ACADSB: variants seen among roughly 807,000 people sequenced by gnomAD.
ACADSB encodes short/branched chain specific acyl-CoA dehydrogenase, mitochondrial.
A neutral mutation model predicts 54.1 loss-of-function variants in ACADSB; 40 were observed. The observed-to-expected ratio is 0.74, with a 90% CI of 0.57 to 0.96. The LOEUF is 0.96. ACADSB is among the 40% of genes least tolerant of loss of function. The probability of loss-of-function intolerance (pLI) is 0.00; values close to 1 mark genes in which losing one functional copy is unlikely to be tolerated. For synonymous variants in ACADSB, 182 were observed against 182.8 expected, an observed-to-expected ratio of 1.00 and a Z score of 0.03; for missense variants, 530 against 510.4, an observed-to-expected ratio of 1.04 and a Z score of -0.37.
chr10:123,028,882 G>T (rs1199061744), intron 1 of ACADSB, among the ~76,000 whole-genome samples: 2 of 151,718 alleles, frequency 1.3e-5, no homozygotes, highest in Middle Eastern at 3.4e-3. Context: ...AAAACAGAAA[G>T]AAAAAACTAT....
At position 123,051,188 on chromosome 10, in the gene ACADSB, T is replaced by TAAAAAAAAAAAAAAAA; in HGVS notation, c.1128+11_1128+26dup. 2 of 1,015,736 alleles carry TAAAAAAAAAAAAAAAA rather than the reference T, an allele frequency of 2.0e-6. No individual in the cohort carries two copies. The highest frequency in any genetic ancestry group is 2.0e-5 in the South Asian group (1 of 50,620). The allele number at this position is 1,015,736 out of a possible 1,614,324, so 62.9% of individuals were successfully genotyped here. A position where few individuals can be genotyped will look rare whatever the true frequency, so the allele number is the denominator to read the frequency against. ...ATGGCCAAATACTATGCATCAGAGGTAAAAAAAAAAAAAAAAAAAAAAAAG... is the reference window on the plus strand; with the variant it reads ...ATGGCCAAATACTATGCATCAGAGGTAAAAAAAAAAAAAAAAAAAAAAAAAAAAAAAAAAAAAAAAG... On this transcript the variant is annotated splice_region_variant and intron_variant, in intron 9 of 10. Transcript: ENST00000358776.
chr10:123,043,907 C>T (rs1330780872), intron 6 of ACADSB, among the ~76,000 whole-genome samples: 1 of 152,042 alleles, frequency 6.6e-6, no homozygotes, highest in East Asian at 1.9e-4. Context: ...TGTTTCTTCT[C>T]TCTTCCTCTT....
At chr10:123,014,096 G>T (rs1850081480) in intron 1 of ACADSB, among the ~76,000 whole-genome samples, 1 of 152,088 alleles carries the variant, frequency 6.6e-6, no homozygotes, top group South Asian at 2.1e-4. Flanking sequence ...TATTAATGCT[G>T]TTTTTGAGAG....
At chr10:123,035,901 T>C (rs1308318623) in intron 2 of ACADSB, among the ~76,000 whole-genome samples, 1 of 152,172 alleles carries the variant, frequency 6.6e-6, no homozygotes, top group African/African-American at 2.4e-5. Flanking sequence ...TTTTAAGGGC[T>C]CACCTGATTA....
Position 123,051,141 on chromosome 10 carries a change from G to A in ACADSB, c.1083G>A (p.Lys361=). The part of the protein sequence containing the change: ...YNAARLLEAG[K]PFIKEASMAK... ...CTGCTAGGCTTTTAGAAGCTGGAAA[G>A]CCATTCATAAAAGAAGCGTCAATGG... is the stretch of plus-strand genomic sequence containing the variant. Residue 361 remains lysine, a synonymous_variant, in exon 9 of 11, where the codon AAG becomes AAA. Coordinates refer to ENST00000358776, the MANE Select transcript of ACADSB (RefSeq NM_001609.4). 6.9e-7 allele frequency: 1 copy of A among 1,459,582 alleles called. No individual in the cohort carries two copies. Among genetic ancestry groups the A allele is most frequent in the Non-Finnish European group, 9.1e-7 (1 of 1,098,572 alleles). The allele number at this position is 1,459,582 out of a possible 1,614,324, so 90.4% of individuals were successfully genotyped here. A position where few individuals can be genotyped will look rare whatever the true frequency, so the allele number is the denominator to read the frequency against.
chr10:123,039,393 T>C (rs1850442359), intron 3 of ACADSB, among the ~76,000 whole-genome samples: 1 of 152,252 alleles, frequency 6.6e-6, no homozygotes, highest in African/African-American at 2.4e-5. Context: ...ATTATCCTTC[T>C]GTTAGCAGCT....
chr10:123,043,079 C>T lies in ACADSB; in HGVS notation c.715C>T (p.Arg239Cys), dbSNP rs138063747. ...GGGAATTACCTCCTTCTTAGTAGAT[C>T]GTGATACTCCGGGCCTTCATATAGG... ...YKGITSFLVD[R>C]DTPGLHIGKP... Residue 239 changes from arginine to cysteine, a missense_variant, in exon 6 of 11, where the codon CGT becomes TGT. Coordinates refer to ENST00000358776, the MANE Select transcript of ACADSB (RefSeq NM_001609.4). 9.3e-6 allele frequency: 15 copies of T among 1,613,752 alleles called. No individual in the cohort carries two copies. The highest frequency in any genetic ancestry group is 5.3e-5 in the African/African-American group (4 of 75,022).
intron 2 of ACADSB, among the ~76,000 whole-genome samples, chr10:123,034,830 T>C (rs1300720396): frequency 1.3e-5 from 2 of 152,236 alleles, no homozygotes; most frequent in East Asian, 3.8e-4. Context: ...CCATGTTCTC[T>C]AGTTCCCCAG....
rs1175431330 is a variant in ACADSB at position 123,052,890 on chromosome 10, C to G, written c.1129-171C>G. 1.5e-6 allele frequency: 1 copy of G among 659,126 alleles called. No homozygotes were observed. The highest frequency in any genetic ancestry group is 2.2e-5 in the Admixed American group (1 of 45,942). The allele number at this position is 659,126 out of a possible 1,614,324, so 40.8% of individuals were successfully genotyped here. A position where few individuals can be genotyped will look rare whatever the true frequency, so the allele number is the denominator to read the frequency against. ...TTCTGTGAATTAATAGGATGTTTTA[C>G]AGAAATGGTATGGAGAATGGGACTG... is the stretch of plus-strand genomic sequence containing the variant. On this transcript the variant is annotated intron_variant, in intron 9 of 10. Coordinates refer to ENST00000358776, the MANE Select transcript of ACADSB (RefSeq NM_001609.4). This position sits in a 1 kb window ranked among gnomAD's most constrained non-coding sequence, Gnocchi z 4.2.
intron 1 of ACADSB, among the ~76,000 whole-genome samples, chr10:123,031,187 T>G (rs1279580393): frequency 6.6e-6 from 1 of 152,230 alleles, no homozygotes; most frequent in African/African-American, 2.4e-5. Context: ...TGTAACTTGT[T>G]GCTTACATTC....
At chr10:123,047,592 C>G (rs1031532485) in intron 8 of ACADSB, among the ~76,000 whole-genome samples, 1 of 152,176 alleles carries the variant, frequency 6.6e-6, no homozygotes, top group Non-Finnish European at 1.5e-5. Context: ...TGGAGTCAGA[C>G]TTCCTGGATT....
At chr10:123,042,460 T>A in intron 5 of ACADSB, among the ~76,000 whole-genome samples, 1 of 128,612 alleles carries the variant, frequency 7.8e-6, no homozygotes, top group African/African-American at 2.7e-5. Flanking sequence ...GTTAAAACTT[T>A]TTTTTTTTTT....
At chr10:123,048,529 G>T (rs1247017874) in intron 8 of ACADSB, among the ~76,000 whole-genome samples, 1 of 152,072 alleles carries the variant, frequency 6.6e-6, no homozygotes, top group Admixed American at 6.5e-5. Flanking sequence ...AGAATGTAAA[G>T]GTTGTTTTGA....
At chr10:123,017,637 G>A (rs768664135) in intron 1 of ACADSB, among the ~76,000 whole-genome samples, 17 of 152,144 alleles carry the variant, frequency 1.1e-4, no homozygotes, top group Admixed American at 9.2e-4. Flanking sequence ...TCTAATGGCC[G>A]GCATTTGCAT....
At position 123,041,372 on chromosome 10, in the gene ACADSB, C is replaced by T; in HGVS notation, c.674C>T (p.Pro225Leu). 5 of 1,614,156 alleles carry T rather than the reference C, an allele frequency of 3.1e-6. No individual in the cohort carries two copies. In the South Asian group the frequency reaches 4.4e-5, roughly 14 times the overall value. ...TTTCTGGTGATGGCAAATGTAGACCCTACCATTGTAAGTTTGAAAACGAAA... is the reference window on the plus strand; with the variant it reads ...TTTCTGGTGATGGCAAATGTAGACCTTACCATTGTAAGTTTGAAAACGAAA... ...GLFLVMANVD[P>L]TIGYKGITSF... Residue 225 changes from proline (P) to leucine (L), a missense_variant, in exon 5 of 11, where the codon CCT becomes CTT. Physicochemically the swap from Pro to Leu is moderately conservative, Grantham distance 98. Coordinates refer to ENST00000358776, the MANE Select transcript of ACADSB (RefSeq NM_001609.4).
At chr10:123,047,057 G>GT (rs777047804) in intron 7 of ACADSB, 152 bp from the exon 8 acceptor site, 71 of 666,078 alleles carry the variant, frequency 1.1e-4, no homozygotes, top group East Asian at 4.2e-4. Context: ...GGTGGGTGAG[G>GT]ATGTGTTATT....
At chr10:123,029,024 A>G (rs1850290206) in intron 1 of ACADSB, among the ~76,000 whole-genome samples, 1 of 152,110 alleles carries the variant, frequency 6.6e-6, no homozygotes, top group South Asian at 2.1e-4. Flanking sequence ...AGGTTAGTCA[A>G]GTGAAGCAAT....
At chr10:123,050,612 A>AC (rs1274593100) in intron 8 of ACADSB, among the ~76,000 whole-genome samples, 3 of 152,216 alleles carry the variant, frequency 2.0e-5, no homozygotes, top group African/African-American at 7.2e-5. Flanking sequence ...TTTGTAGCTA[A>AC]CATTTTTTAA....
intron 1 of ACADSB, among the ~76,000 whole-genome samples, chr10:123,020,963 A>T (rs1157742729): frequency 2.0e-5 from 3 of 152,206 alleles, no homozygotes. Context: ...AGATCGTGCA[A>T]CTGCACTCCA....
Sources: gnomAD v4.1 joint callset for allele counts (sites outside exome capture counted in the v4.1 genomes callset) on GRCh38, gnomAD v4.1.1 for gene constraint, Gnocchi (gnomAD v3.1) non-coding constraint, MANE v1.5 for transcripts, NCBI Gene and HGNC (gene_info 2026-07-23, HGNC 2026-07-21) for gene names.